Variants in DHRS12 observed in about 807,000 individuals in gnomAD.
The protein encoded by DHRS12 is dehydrogenase/reductase 12.
A neutral mutation model predicts 32.1 loss-of-function variants in DHRS12; 29 were observed. That is an observed-to-expected ratio of 0.90 (90% confidence interval 0.67 to 1.23). The LOEUF (loss-of-function observed/expected upper bound fraction) is 1.23. Among genes scored for constraint, DHRS12 ranks in the 50% most tolerant of loss-of-function variants. DHRS12 has a pLI of 0.00. For missense variants in DHRS12, 330 were observed against 337.2 expected (o/e 0.98, Z 0.17); for synonymous variants, 150 against 135.9 (o/e 1.10, Z -0.72).
At chr13:51,772,672 A>G in intron 6 of DHRS12, 1 of 985,406 alleles carries the variant, frequency 1.0e-6, no homozygotes, top group Non-Finnish European at 1.2e-6. Flanking sequence ...GACAATAAAA[A>G]TCCTTAAATC....
rs540394096 is a variant in DHRS12 at position 51,769,439 on chromosome 13, C to A, written c.560-146G>T. The stretch of plus-strand genomic sequence containing the variant: ...TATTTTATAGCACTCACCCAAGCCA[C>A]TCGGAACCAGTTCCAAAGAACCTTG... On this transcript the variant is annotated intron_variant, in intron 7 of 8. Coordinates refer to ENST00000444610, the MANE Select transcript of DHRS12 (RefSeq NM_001377533.1). 70 of 706,386 alleles carry A rather than the reference C, an allele frequency of 9.9e-5. No homozygotes were observed. In the African/African-American group the frequency reaches 1.0e-3, roughly 10 times the overall value. The allele number at this position is 706,386 out of a possible 1,614,324, so 43.8% of individuals were successfully genotyped here. A position where few individuals can be genotyped will look rare whatever the true frequency, so the allele number is the denominator to read the frequency against.
At chr13:51,787,333 C>A (rs915449704) in intron 4 of DHRS12, among the ~76,000 whole-genome samples, 1 of 152,142 alleles carries the variant, frequency 6.6e-6, no homozygotes, top group African/African-American at 2.4e-5. Flanking sequence ...GCCAAGGTCC[C>A]CAGATTACCC....
chr13:51,777,323 C>A (rs1474489071), intron 4 of DHRS12: 11 of 592,886 alleles, frequency 1.9e-5, no homozygotes, highest in Non-Finnish European at 3.0e-5. Flanking sequence ...TGCCTTAGAG[C>A]CTCATGTACC....
chr13:51,764,403 A>G (rs1953682209), downstream of DHRS12: 1 of 152,776 alleles, frequency 6.5e-6, no homozygotes, highest in East Asian at 1.9e-4. Flanking sequence ...GGAGTGAGTC[A>G]TAAGGGGGAA....
rs529933571 is a variant in DHRS12, at chr13:51,783,217, G to C, written c.302-6096C>G. 2.6e-5 allele frequency among the ~76,000 whole-genome samples: 4 copies of C among 152,130 alleles called. No individual in the cohort carries two copies. In the South Asian group the frequency reaches 8.3e-4, roughly 32 times the overall value. ...AGTTTAAACCAAGAGCCTCGCCTGGGGCCCTTCTAGTGGTCGAGGGGAAAT... is the reference window on the plus strand; with the variant it reads ...AGTTTAAACCAAGAGCCTCGCCTGGCGCCCTTCTAGTGGTCGAGGGGAAAT... On this transcript the variant is annotated intron_variant, in intron 4 of 8. Coordinates refer to ENST00000444610, the MANE Select transcript of DHRS12 (RefSeq NM_001377533.1).
intron 4 of DHRS12, among the ~76,000 whole-genome samples, chr13:51,777,996 T>C (rs9535757): frequency 0.62 from 94,229 of 152,192 alleles, 31,033 homozygotes; most frequent in Non-Finnish European, 0.74. Context: ...TCCTGGGCTA[T>C]GCCATGGAGT....
chr13:51,772,891 G>A lies in DHRS12; in HGVS notation c.469-980C>T, dbSNP rs936591966. On this transcript the variant is annotated intron_variant, in intron 6 of 8. Coordinates refer to ENST00000444610, the MANE Select transcript of DHRS12 (RefSeq NM_001377533.1). ...CACCAGGATTTGGTCTGGGGTCAAG[G>A]AGCAAAACTGGGGCACACCCAGGGC... 62 of 985,442 alleles carry A rather than the reference G, an allele frequency of 6.3e-5. No individual in the cohort carries two copies. In the Admixed American group the frequency reaches 1.8e-3, roughly 29 times the overall value. 61.0% of individuals were successfully genotyped at this position (985,442 alleles called of 1,614,324 possible). A position where few individuals can be genotyped will look rare whatever the true frequency, so the allele number is the denominator to read the frequency against.
At chr13:51,775,856 C>T (rs1324877572) in intron 5 of DHRS12, 1 of 121,450 alleles carries the variant, frequency 8.2e-6, no homozygotes, top group Non-Finnish European at 1.6e-5. Context: ...TATTCTCCTA[C>T]AGTATTCTCC....
chr13:51,770,946 T>C, intron 7 of DHRS12: 2 of 1,295,752 alleles, frequency 1.5e-6, no homozygotes, highest in Non-Finnish European at 2.0e-6. Flanking sequence ...TTGTTTTCCC[T>C]ATCTTTATTT....
chr13:51,778,486 T>G (rs1246744763), intron 4 of DHRS12, among the ~76,000 whole-genome samples: 1 of 152,174 alleles, frequency 6.6e-6, no homozygotes, highest in Non-Finnish European at 1.5e-5. Flanking sequence ...TCTTGGACTT[T>G]CTTTGTATTC....
intron 7 of DHRS12, among the ~76,000 whole-genome samples, chr13:51,770,243 T>C (rs1953950667): frequency 6.6e-6 from 1 of 152,192 alleles, no homozygotes; most frequent in African/African-American, 2.4e-5. Flanking sequence ...GAAAACCTTG[T>C]GATGTGTCAC....
intron 4 of DHRS12, among the ~76,000 whole-genome samples, chr13:51,786,675 C>T (rs373618544): frequency 2.6e-5 from 4 of 152,152 alleles, no homozygotes; most frequent in African/African-American, 9.7e-5. Flanking sequence ...TCAACAAAGC[C>T]GTGTGTAGGC....
intron 1 of DHRS12, chr13:51,803,804 T>A (rs1798398730): frequency 3.0e-6 from 1 of 330,220 alleles, no homozygotes; most frequent in African/African-American, 2.2e-5. Flanking sequence ...GCCCTGGGCT[T>A]GGGCGCGCCA....
intron 6 of DHRS12, chr13:51,772,834 A>G: frequency 1.0e-6 from 1 of 985,446 alleles, no homozygotes; most frequent in Non-Finnish European, 1.2e-6. Context: ...AGGTCTTTCA[A>G]ATGTCAGGAT....
At chr13:51,779,743 T>C (rs1383423081) in intron 4 of DHRS12, among the ~76,000 whole-genome samples, 2 of 152,226 alleles carry the variant, frequency 1.3e-5, no homozygotes, top group Non-Finnish European at 2.9e-5. Context: ...GCTGCCCTTG[T>C]AGCCCACTAA....
chr13:51,801,770 A>T (rs919968856), intron 1 of DHRS12, among the ~76,000 whole-genome samples: 8 of 152,152 alleles, frequency 5.3e-5, no homozygotes, highest in Admixed American at 4.6e-4. Context: ...TAGAGCCAGA[A>T]AAAAAGCAGT....
rs551075073 is a variant in DHRS12, at chr13:51,789,715, C to T, written c.301+296G>A. 13 of 984,708 alleles carry T rather than the reference C, an allele frequency of 1.3e-5. No homozygotes were observed. The South Asian group carries it at 6.1e-4, about 46-fold the overall frequency. 61.0% of individuals were successfully genotyped at this position (984,708 alleles called of 1,614,324 possible). On this transcript the variant is annotated intron_variant, in intron 4 of 8. Transcript: ENST00000444610. The stretch of plus-strand genomic sequence containing the variant: ...TTGCAGTTTTTAGACTTGCACTCAA[C>T]ACTTAAGCTGAACTTGCTCTCCTCT...
At chr13:51,756,323 C>G in the DHRS12 span, 1 of 1,611,234 alleles carries the variant, frequency 6.2e-7, no homozygotes. Flanking sequence ...TTTTATCTCC[C>G]TCCTCCAGCA....
intron 4 of DHRS12, among the ~76,000 whole-genome samples, chr13:51,783,920 C>A (rs904761616): frequency 6.6e-6 from 1 of 152,070 alleles, no homozygotes; most frequent in Non-Finnish European, 1.5e-5. Flanking sequence ...CTGTTTGGGG[C>A]GATTATGAAT....
Sources: allele counts gnomAD v4.1 joint callset (sites outside exome capture counted in the v4.1 genomes callset), GRCh38; gene constraint gnomAD v4.1.1; transcripts MANE v1.5; gene names NCBI Gene and HGNC (gene_info 2026-07-23, HGNC 2026-07-21).